TJP1: variants seen among roughly 807,000 people sequenced by gnomAD.
TJP1 encodes the protein tight junction protein 1.
A neutral mutation model predicts 194.2 loss-of-function variants in TJP1; 43 were observed. The ratio of observed to expected loss-of-function variants is 0.22; its 90% CI spans 0.17 to 0.29. The LOEUF is 0.29. Among genes scored for constraint, TJP1 ranks in the 10% least tolerant of loss-of-function variants. The pLI is 1.00. For missense variants in TJP1, 1,971 were observed against 2,185.7 expected, an observed-to-expected ratio of 0.90 and a Z score of 1.96; for synonymous variants, 801 against 779.0, an observed-to-expected ratio of 1.03 and a Z score of -0.47.
At chr15:29,730,230 T>A (rs2043535208) in intron 15 of TJP1, among the ~76,000 whole-genome samples, 1 of 152,004 alleles carries the variant, frequency 6.6e-6, no homozygotes, top group Admixed American at 6.6e-5. Context: ...GTGTAAAAAT[T>A]AACTTTCCAA....
chr15:29,891,873 C>A (rs533275580), intron 2 of TJP1, among the ~76,000 whole-genome samples: 2 of 152,116 alleles, frequency 1.3e-5, no homozygotes, highest in Non-Finnish European at 2.9e-5. Flanking sequence ...CAATTGATAA[C>A]CCTGTAAGGG....
At chr15:29,811,358 T>C (rs888702077) in intron 1 of TJP1, among the ~76,000 whole-genome samples, 6 of 142,498 alleles carry the variant, frequency 4.2e-5, no homozygotes, top group Non-Finnish European at 6.0e-5. Flanking sequence ...GAAAAACAGA[T>C]TGTAAGGGGA....
At chr15:29,767,061 TAACTC>T (rs1464022110) in intron 4 of TJP1, among the ~76,000 whole-genome samples, 1 of 152,226 alleles carries the variant, frequency 6.6e-6, no homozygotes, top group Non-Finnish European at 1.5e-5. Context: ...TGGAGCTAAT[TAACTC>T]AGCCGTACTT....
chr15:29,965,413 T>C (rs2056300060), intron 1 of TJP1, among the ~76,000 whole-genome samples: 1 of 152,132 alleles, frequency 6.6e-6, no homozygotes, highest in South Asian at 2.1e-4. Context: ...GGTTTCACCA[T>C]ATTGACCAGG....
intron 2 of TJP1, among the ~76,000 whole-genome samples, chr15:29,936,669 A>C (rs528165058): frequency 2.0e-5 from 3 of 152,314 alleles, no homozygotes; most frequent in African/African-American, 7.2e-5. Flanking sequence ...CTGACAAGAC[A>C]CCAGCTCCTT....
chr15:29,720,258 T>A (rs1347787497), intron 19 of TJP1, 100 bp downstream of exon 19: 1 of 1,191,680 alleles, frequency 8.4e-7, no homozygotes, highest in Non-Finnish European at 1.2e-6. Flanking sequence ...TAATTCTTAA[T>A]CTGGAGAAAG....
At chr15:29,755,249 G>C (rs551453536) in intron 8 of TJP1, among the ~76,000 whole-genome samples, 3 of 152,294 alleles carry the variant, frequency 2.0e-5, no homozygotes, top group Non-Finnish European at 4.4e-5. Context: ...ACCTAGGTTT[G>C]TGTAAGTACA....
intron 8 of TJP1, chr15:29,760,006 A>G (rs1250944928): frequency 2.0e-6 from 1 of 508,914 alleles, no homozygotes; most frequent in African/African-American, 2.0e-5. Context: ...ATCATGTGCT[A>G]GTTCGTTCTG....
chr15:29,772,828 A>C (rs2046778496), intron 3 of TJP1, among the ~76,000 whole-genome samples: 1 of 152,162 alleles, frequency 6.6e-6, no homozygotes, highest in Non-Finnish European at 1.5e-5. Context: ...ACAGTGGTGC[A>C]ATCATGGCTC....
chr15:29,881,537 T>C (rs1263289669), intron 2 of TJP1, among the ~76,000 whole-genome samples: 1 of 152,328 alleles, frequency 6.6e-6, no homozygotes, highest in African/African-American at 2.4e-5. Flanking sequence ...TTTACCTTGA[T>C]AGATACTTTA....
chr15:29,732,506 G>T lies in TJP1; in HGVS notation c.1944C>A (p.Thr648=). 1 of 1,614,074 alleles carries T rather than the reference G, an allele frequency of 6.2e-7. No homozygotes were observed. The highest frequency in any genetic ancestry group is 8.5e-7 in the Non-Finnish European group (1 of 1,180,018). The change falls in exon 15 of 28, where the codon ACC becomes ACA. Residue 648 remains threonine (T), a synonymous_variant. Coordinates refer to ENST00000614355, the MANE Select transcript of TJP1 (RefSeq NM_001330239.4). ...CAACATCAGCTATTGGTCCAAAAAT[G>T]GTTACAGGCCTCAGAAATCCAGCTG... ...LREAGFLRPV[T]IFGPIADVAR...
At position 29,766,405 on chromosome 15, in the gene TJP1, CCTT is replaced by C. The variant is rs770384133; in HGVS notation, c.447_449del (p.Arg150del). ...TATCCCTCGGCCAAATCTTCTCACT[CCTT>C]CTGTTAACCACACCACTCCGGCCAC... On this transcript the variant is annotated inframe_deletion, in exon 5 of 28. Transcript: ENST00000614355. The C allele has an allele frequency of 1.2e-6, 2 of 1,614,184 alleles. No individual in the cohort carries two copies. The highest frequency in any genetic ancestry group is 2.2e-5 in the South Asian group (2 of 91,072).
chr15:29,945,454 C>A (rs1339057912), intron 2 of TJP1, among the ~76,000 whole-genome samples: 1 of 152,214 alleles, frequency 6.6e-6, no homozygotes, highest in Non-Finnish European at 1.5e-5. Context: ...TTACTTCAAA[C>A]CATTCCATTT....
At chr15:29,712,607 A>C (rs1018512095) in intron 23 of TJP1, among the ~76,000 whole-genome samples, 3 of 152,168 alleles carry the variant, frequency 2.0e-5, no homozygotes, top group Admixed American at 6.5e-5. Flanking sequence ...AATAAAACAC[A>C]ATCACTTAGT....
chr15:29,807,278 A>G (rs2049173352), intron 1 of TJP1, among the ~76,000 whole-genome samples: 1 of 152,252 alleles, frequency 6.6e-6, no homozygotes, highest in South Asian at 2.1e-4. Context: ...CTGCTACATT[A>G]GCTATAAAGT....
chr15:29,817,296 C>T (rs1373169669), intron 1 of TJP1, among the ~76,000 whole-genome samples: 1 of 152,156 alleles, frequency 6.6e-6, no homozygotes, highest in East Asian at 1.9e-4. Flanking sequence ...CATCTTACAC[C>T]CGTCAGAATG....
intron 23 of TJP1, among the ~76,000 whole-genome samples, chr15:29,713,138 AC>A (rs1370340905): frequency 6.6e-6 from 1 of 152,238 alleles, no homozygotes; most frequent in African/African-American, 2.4e-5. Context: ...TTTAAAAGCT[AC>A]AAACCACCAT....
intron 10 of TJP1, chr15:29,741,026 C>T (rs528253005): frequency 8.8e-5 from 17 of 192,658 alleles, no homozygotes; most frequent in Non-Finnish European, 1.4e-4. Context: ...TTTTTTAATG[C>T]TCCATTGGAA....
chr15:29,906,661 C>T (rs1004419229), intron 2 of TJP1, among the ~76,000 whole-genome samples: 1 of 151,804 alleles, frequency 6.6e-6, no homozygotes, highest in Non-Finnish European at 1.5e-5. Context: ...CTCACTCCAA[C>T]CTCCGCCTCC....
Sources: allele counts gnomAD v4.1 joint callset (sites outside exome capture counted in the v4.1 genomes callset), GRCh38; gene constraint gnomAD v4.1.1; transcripts MANE v1.5; gene names NCBI Gene and HGNC (gene_info 2026-07-23, HGNC 2026-07-21).